Variants in RSRC1 observed in about 807,000 individuals in gnomAD.
RSRC1 encodes serine/Arginine-related protein 53.
Under a neutral mutation model 49.1 loss-of-function variants are expected in RSRC1, and 39 were observed. The observed-to-expected ratio is 0.79, with a 90% CI of 0.61 to 1.04. The LOEUF (loss-of-function observed/expected upper bound fraction) is 1.04, where lower values mean the gene tolerates loss of function less well. RSRC1 is among the 50% of genes least tolerant of loss of function. The probability of loss-of-function intolerance (pLI) is 0.00; values close to 1 mark genes in which losing one functional copy is unlikely to be tolerated. For missense variants in RSRC1, 388 were observed against 402.4 expected (o/e 0.96, Z 0.31); for synonymous variants, 143 against 130.8 (o/e 1.09, Z -0.63).
At chr3:158,190,872 C>G (rs1720203533) in intron 3 of RSRC1, among the ~76,000 whole-genome samples, 1 of 151,878 alleles carries the variant, frequency 6.6e-6, no homozygotes, top group South Asian at 2.1e-4. Flanking sequence ...GGCTTTAACC[C>G]TTCTTGAATG....
chr3:158,234,162 G>A (rs182312005), intron 4 of RSRC1, among the ~76,000 whole-genome samples: 1 of 152,270 alleles, frequency 6.6e-6, no homozygotes, highest in East Asian at 1.9e-4. Context: ...GTTTGTATCA[G>A]CCAAGTCTCA....
At chr3:158,287,061 C>G (rs1306742022) in intron 4 of RSRC1, among the ~76,000 whole-genome samples, 1 of 152,094 alleles carries the variant, frequency 6.6e-6, no homozygotes, top group African/African-American at 2.4e-5. Context: ...CTCCTGACCT[C>G]GTGATCCACC....
At chr3:158,475,891 G>C (rs1230431117) in intron 7 of RSRC1, among the ~76,000 whole-genome samples, 1 of 152,150 alleles carries the variant, frequency 6.6e-6, no homozygotes, top group African/African-American at 2.4e-5. Context: ...ACTAAGCTTA[G>C]TGAGGAAGGC....
chr3:158,231,938 A>G (rs1489997614), intron 4 of RSRC1, among the ~76,000 whole-genome samples: 1 of 152,210 alleles, frequency 6.6e-6, no homozygotes, highest in Non-Finnish European at 1.5e-5. Flanking sequence ...AAAAGTGAAA[A>G]ATAGTAAAAC....
chr3:158,468,362 A>T (rs1453996666), intron 7 of RSRC1, among the ~76,000 whole-genome samples: 1 of 152,160 alleles, frequency 6.6e-6, no homozygotes, highest in Non-Finnish European at 1.5e-5. Flanking sequence ...ATTAAACACA[A>T]GTTTTTATTT....
At chr3:158,122,329 A>G (rs950389920) in intron 2 of RSRC1, 31 bp downstream of exon 2, 3 of 1,395,116 alleles carry the variant, frequency 2.2e-6, no homozygotes, top group Non-Finnish European at 2.9e-6. Context: ...TTATATAGTA[A>G]TGAGGATAAC....
At chr3:158,341,332 G>A (rs1360415603) in intron 5 of RSRC1, among the ~76,000 whole-genome samples, 1 of 152,046 alleles carries the variant, frequency 6.6e-6, no homozygotes, top group Non-Finnish European at 1.5e-5. Context: ...GGAAAAAGTG[G>A]TTTCGTGGGC....
chr3:158,370,243 C>G (rs1216692879), intron 6 of RSRC1, among the ~76,000 whole-genome samples: 1 of 151,868 alleles, frequency 6.6e-6, no homozygotes, highest in Non-Finnish European at 1.5e-5. Context: ...TGAAGAGAAA[C>G]TGAAGAGGTC....
chr3:158,287,610 G>A (rs572694121), intron 4 of RSRC1, among the ~76,000 whole-genome samples: 3 of 152,114 alleles, frequency 2.0e-5, no homozygotes, highest in Non-Finnish European at 4.4e-5. Context: ...ATGCAGGATA[G>A]TATGCAAACA....
chr3:158,237,815 T>G (rs762531174), intron 4 of RSRC1, among the ~76,000 whole-genome samples: 1 of 152,178 alleles, frequency 6.6e-6, no homozygotes, highest in Non-Finnish European at 1.5e-5. Flanking sequence ...CTTGCCTGAT[T>G]GCCCTGGCCA....
chr3:158,128,736 T>C (rs1052626706), intron 3 of RSRC1, among the ~76,000 whole-genome samples: 1 of 152,176 alleles, frequency 6.6e-6, no homozygotes, highest in African/African-American at 2.4e-5. Context: ...TATATTGCAT[T>C]TAGTTGTTAA....
At chr3:158,316,181 A>C (rs941245237) in intron 5 of RSRC1, among the ~76,000 whole-genome samples, 1 of 152,090 alleles carries the variant, frequency 6.6e-6, no homozygotes, top group African/African-American at 2.4e-5. Context: ...CAAAAAAAAA[A>C]AAAAGCTGAT....
At chr3:158,409,922 CT>C (rs35721088) in intron 6 of RSRC1, among the ~76,000 whole-genome samples, 33,024 of 149,372 alleles carry the variant, frequency 0.22, 4,200 homozygotes, top group Non-Finnish European at 0.29. Context: ...TTTCAGAATT[CT>C]TTTTTTTTTA....
At chr3:158,179,778 T>C (rs1207717872) in intron 3 of RSRC1, among the ~76,000 whole-genome samples, 1 of 152,214 alleles carries the variant, frequency 6.6e-6, no homozygotes, top group Non-Finnish European at 1.5e-5. Flanking sequence ...TAAGTCATAG[T>C]AGTTACATGT....
At chr3:158,544,143 G>A (rs1180370737) in intron 9 of RSRC1, 40 bp from the exon 10 acceptor site, 3 of 1,370,398 alleles carry the variant, frequency 2.2e-6, no homozygotes, top group South Asian at 1.2e-5. Context: ...CAAGTTATTG[G>A]GAGACAGTAA....
chr3:158,353,409 A>C (rs1242089287), intron 5 of RSRC1, among the ~76,000 whole-genome samples: 1 of 152,242 alleles, frequency 6.6e-6, no homozygotes, highest in Non-Finnish European at 1.5e-5. Flanking sequence ...TTCCTGCTAC[A>C]AATAATGAAC....
intron 6 of RSRC1, among the ~76,000 whole-genome samples, chr3:158,386,489 A>G (rs1732972911): frequency 6.6e-6 from 1 of 152,152 alleles, no homozygotes; most frequent in African/African-American, 2.4e-5. Context: ...GCTCTTTAAT[A>G]GACGAATATA....
intron 6 of RSRC1, among the ~76,000 whole-genome samples, chr3:158,421,204 G>A (rs1227216174): frequency 6.6e-6 from 1 of 151,852 alleles, no homozygotes; most frequent in Non-Finnish European, 1.5e-5. Flanking sequence ...GACTCATAAG[G>A]AGTAAGATGA....
At chr3:158,451,077 A>C (rs1736998721) in intron 6 of RSRC1, among the ~76,000 whole-genome samples, 1 of 151,844 alleles carries the variant, frequency 6.6e-6, no homozygotes, top group Admixed American at 6.6e-5. Context: ...ATTTATAATT[A>C]TTTACTGTGA....
Sources: gnomAD v4.1 joint callset for allele counts (sites outside exome capture counted in the v4.1 genomes callset) on GRCh38, gnomAD v4.1.1 for gene constraint, MANE v1.5 for transcripts, NCBI Gene and HGNC (gene_info 2026-07-23, HGNC 2026-07-21) for gene names.